RIMS1: variants seen among roughly 807,000 people sequenced by gnomAD.
RIMS1 encodes regulating synaptic membrane exocytosis 1, also known as regulating synaptic membrane exocytosis protein 1.
In RIMS1, 83 loss-of-function variants were observed where a neutral mutation model predicts 214.1. The observed-to-expected ratio is 0.39, with a 90% CI of 0.32 to 0.47. The LOEUF (loss-of-function observed/expected upper bound fraction) is 0.47, where lower values mean the gene tolerates loss of function less well. Among genes scored for constraint, RIMS1 ranks in the 20% least tolerant of loss-of-function variants. RIMS1 has a pLI of 0.99. For missense variants in RIMS1, 2,050 were observed against 2,161.8 expected (o/e 0.95, Z 1.03); for synonymous variants, 793 against 786.8 (o/e 1.01, Z -0.13).
intron 4 of RIMS1, among the ~76,000 whole-genome samples, chr6:72,125,700 C>T (rs1368430689): frequency 6.6e-6 from 1 of 152,188 alleles, no homozygotes; most frequent in African/African-American, 2.4e-5. Flanking sequence ...ATGGTGGATG[C>T]CCCTCCCCCA....
intron 1 of RIMS1, among the ~76,000 whole-genome samples, chr6:71,959,658 G>C (rs1482568): frequency 0.85 from 129,685 of 151,698 alleles, 55,599 homozygotes; most frequent in East Asian, 1. Context: ...ATCTCTTACT[G>C]TTTTACAACG....
At chr6:71,907,347 A>C (rs888946789) in intron 1 of RIMS1, among the ~76,000 whole-genome samples, 1 of 152,228 alleles carries the variant, frequency 6.6e-6, no homozygotes, top group Non-Finnish European at 1.5e-5. Flanking sequence ...GAATACCTCC[A>C]ACTAGGAAAA....
intron 10 of RIMS1, among the ~76,000 whole-genome samples, chr6:72,244,860 G>A (rs1441973755): frequency 2.0e-5 from 3 of 151,900 alleles, no homozygotes; most frequent in African/African-American, 7.2e-5. Context: ...AAAAGAAAAA[G>A]TGAAGTCAGC....
chr6:72,336,586 T>C (rs967534064), intron 29 of RIMS1, among the ~76,000 whole-genome samples: 8 of 151,774 alleles, frequency 5.3e-5, no homozygotes, highest in Non-Finnish European at 1.2e-4. Context: ...GAACTTTGAC[T>C]TCTCTCTACA....
intron 22 of RIMS1, among the ~76,000 whole-genome samples, chr6:72,269,628 A>G (rs1053233150): frequency 6.6e-6 from 1 of 152,052 alleles, no homozygotes; most frequent in African/African-American, 2.4e-5. Flanking sequence ...CAGCCACACA[A>G]TCTGCAACTA....
intron 5 of RIMS1, among the ~76,000 whole-genome samples, chr6:72,180,445 G>A (rs909396440): frequency 7.2e-5 from 11 of 152,210 alleles, no homozygotes; most frequent in African/African-American, 2.7e-4. Flanking sequence ...GCCTCCTAAA[G>A]GATAGCTGCT....
intron 2 of RIMS1, among the ~76,000 whole-genome samples, chr6:72,004,374 G>A (rs892491671): frequency 3.3e-5 from 5 of 152,036 alleles, no homozygotes; most frequent in East Asian, 1.9e-4. Context: ...TAGTCCTTTG[G>A]GTATATACCC....
chr6:71,983,796 A>G (rs1279000339), intron 2 of RIMS1, among the ~76,000 whole-genome samples: 2 of 152,204 alleles, frequency 1.3e-5, no homozygotes, highest in East Asian at 3.8e-4. Flanking sequence ...TTAAGTACAA[A>G]TATGAAGAAG....
At chr6:72,122,048 G>C (rs949805538) in intron 4 of RIMS1, among the ~76,000 whole-genome samples, 1 of 151,638 alleles carries the variant, frequency 6.6e-6, no homozygotes, top group African/African-American at 2.4e-5. Flanking sequence ...TGCTGGATTT[G>C]GTTTGCCAGT....
intron 2 of RIMS1, among the ~76,000 whole-genome samples, chr6:71,975,057 T>A (rs1237637882): frequency 1.3e-5 from 2 of 152,092 alleles, no homozygotes; most frequent in South Asian, 2.1e-4. Context: ...AAAAATAAAA[T>A]TTTTTAAAAA....
intron 1 of RIMS1, among the ~76,000 whole-genome samples, chr6:71,895,002 A>T (rs917840085): frequency 6.6e-6 from 1 of 152,194 alleles, no homozygotes; most frequent in African/African-American, 2.4e-5. Context: ...CTGGAAGATG[A>T]TAGTATATTT....
At chr6:71,899,620 A>G (rs1283032763) in intron 1 of RIMS1, among the ~76,000 whole-genome samples, 1 of 152,062 alleles carries the variant, frequency 6.6e-6, no homozygotes, top group African/African-American at 2.4e-5. Context: ...ATTCTATCTA[A>G]TTTACCAGAA....
At chr6:72,385,649 G>T in intron 29 of RIMS1, among the ~76,000 whole-genome samples, 1 of 152,250 alleles carries the variant, frequency 6.6e-6, no homozygotes, top group East Asian at 1.9e-4. Context: ...CCTCCATTGG[G>T]GCAGGGATTT....
intron 1 of RIMS1, 75 bp from the exon 2 acceptor site, chr6:71,968,908 C>T: frequency 7.2e-7 from 1 of 1,390,796 alleles, no homozygotes; most frequent in East Asian, 2.3e-5. Context: ...TTTTTCAGTA[C>T]CGTGTTTAAT....
chr6:71,943,198 T>C (rs1005614149), intron 1 of RIMS1, among the ~76,000 whole-genome samples: 13 of 152,190 alleles, frequency 8.5e-5, no homozygotes, highest in African/African-American at 3.1e-4. Flanking sequence ...TTAGGTGACA[T>C]TGTACCCTCA....
At position 72,090,019 on chromosome 6, in the gene RIMS1, GT is replaced by G. The variant is rs1835770555; in HGVS notation, c.246-6929del. On this transcript the variant is annotated intron_variant, in intron 2 of 33. Transcript: ENST00000521978. ...AGAATATCACACTCTGGGGACTGTG[GT>G]GGGGTGGGGGGAGGGGGGAGGGATA... 2.5e-5 allele frequency among the ~76,000 whole-genome samples: 3 copies of G among 121,546 alleles called. No individual in the cohort carries two copies. In the Admixed American group the frequency reaches 2.9e-4, roughly 12 times the overall value. The allele number at this position is 121,546 out of a possible 152,430, so 79.7% of individuals were successfully genotyped here.
At chr6:72,206,401 G>T (rs180681081) in intron 6 of RIMS1, among the ~76,000 whole-genome samples, 10 of 152,256 alleles carry the variant, frequency 6.6e-5, no homozygotes, top group Non-Finnish European at 1.3e-4. Flanking sequence ...TCTATGATAT[G>T]ATTTGGAATT....
intron 2 of RIMS1, among the ~76,000 whole-genome samples, chr6:71,975,955 A>G (rs1797030443): frequency 6.6e-6 from 1 of 152,088 alleles, no homozygotes; most frequent in Admixed American, 6.6e-5. Context: ...TTCATCCATC[A>G]GTTAATGGAC....
intron 9 of RIMS1, among the ~76,000 whole-genome samples, chr6:72,241,356 A>T (rs1275595251): frequency 6.6e-6 from 1 of 152,226 alleles, no homozygotes; most frequent in Non-Finnish European, 1.5e-5. Flanking sequence ...ATCGAGGTTG[A>T]AATATTTCAG....
Sources: allele counts gnomAD v4.1 joint callset (sites outside exome capture counted in the v4.1 genomes callset), GRCh38; gene constraint gnomAD v4.1.1; transcripts MANE v1.5; gene names NCBI Gene and HGNC (gene_info 2026-07-23, HGNC 2026-07-21).